The following SH3D19 variants were observed in gnomAD, a reference collection of about 807,000 sequenced individuals.
SH3D19 encodes the protein SH3 domain-containing protein 19.
A neutral mutation model predicts 112.1 loss-of-function variants in SH3D19; 58 were observed. The ratio of observed to expected loss-of-function variants is 0.52; its 90% CI spans 0.42 to 0.64. SH3D19 has a LOEUF of 0.64. Among genes scored for constraint, SH3D19 ranks in the 30% least tolerant of loss-of-function variants. The pLI, the probability that SH3D19 is intolerant of heterozygous loss-of-function variation, is 0.00. For missense variants in SH3D19, 1,090 were observed against 1,263.4 expected, an observed-to-expected ratio of 0.86 and a Z score of 2.08; for synonymous variants, 391 against 448.5, an observed-to-expected ratio of 0.87 and a Z score of 1.62.
chr4:151,323,623 G>A (rs946009515), intron 1 of SH3D19, among the ~76,000 whole-genome samples: 2 of 152,214 alleles, frequency 1.3e-5, no homozygotes, highest in Non-Finnish European at 2.9e-5. Flanking sequence ...TAAATGGTTA[G>A]AAAACTACAA....
intron 19 of SH3D19, among the ~76,000 whole-genome samples, chr4:151,122,968 T>C (rs776491208): frequency 1.3e-5 from 2 of 151,592 alleles, no homozygotes; most frequent in Non-Finnish European, 2.9e-5. Context: ...TCTCCTGCCT[T>C]AGCCTCCCGA....
intron 15 of SH3D19, among the ~76,000 whole-genome samples, chr4:151,134,831 ATGAAG>A (rs1182653049): frequency 6.6e-6 from 1 of 152,220 alleles, no homozygotes; most frequent in Non-Finnish European, 1.5e-5. Context: ...TTATCACCAT[ATGAAG>A]TGTTTTCTTT....
At chr4:151,220,829 C>A (rs1462329685) in intron 2 of SH3D19, among the ~76,000 whole-genome samples, 2 of 152,140 alleles carry the variant, frequency 1.3e-5, no homozygotes, top group African/African-American at 4.8e-5. Flanking sequence ...TTTAACTCAC[C>A]ATTTCATAAA....
intron 1 of SH3D19, among the ~76,000 whole-genome samples, chr4:151,288,630 C>A (rs1752763672): frequency 6.6e-6 from 1 of 151,688 alleles, no homozygotes; most frequent in African/African-American, 2.4e-5. Flanking sequence ...GATCTCGCCA[C>A]TGCACTCCAG....
chr4:151,306,356 T>C (rs1476053535), intron 1 of SH3D19, among the ~76,000 whole-genome samples: 1 of 152,270 alleles, frequency 6.6e-6, no homozygotes, highest in Non-Finnish European at 1.5e-5. Flanking sequence ...ACGTCATTTT[T>C]CTTATTTTAA....
At chr4:151,144,440 C>A (rs1431003835) in intron 11 of SH3D19, 2 of 652,512 alleles carry the variant, frequency 3.1e-6, no homozygotes, top group African/African-American at 3.6e-5. Context: ...ATCAATGGAG[C>A]CTGCCATTTC....
rs926108827 is a variant in SH3D19 at position 151,310,969 on chromosome 4, G to A, written c.112+14272C>T. Among the ~76,000 whole-genome samples the A allele has an allele frequency of 6.0e-5, 9 of 149,888 alleles. No individual in the cohort carries two copies. The East Asian group carries it at 1.2e-3, about 20-fold the overall frequency. ...ACATAAACAACCTAAGTCTGATGAC[G>A]AATGAACGGATAAACAAAATGTGGT... On this transcript the variant is annotated intron_variant, in intron 1 of 19. Coordinates refer to ENST00000604030, the MANE Select transcript of SH3D19 (RefSeq NM_001378122.1).
At chr4:151,271,592 C>T (rs1317755585) in intron 1 of SH3D19, among the ~76,000 whole-genome samples, 1 of 152,050 alleles carries the variant, frequency 6.6e-6, no homozygotes, top group Non-Finnish European at 1.5e-5. Flanking sequence ...CTAGCTACCC[C>T]ACAACAAAGA....
intron 2 of SH3D19, among the ~76,000 whole-genome samples, chr4:151,215,772 A>C (rs1766961674): frequency 6.6e-6 from 1 of 152,220 alleles, no homozygotes; most frequent in African/African-American, 2.4e-5. Context: ...AGATACTTCA[A>C]ACCTTGAAAT....
intron 17 of SH3D19, among the ~76,000 whole-genome samples, chr4:151,131,767 C>T (rs1260310932): frequency 6.6e-6 from 1 of 152,106 alleles, no homozygotes; most frequent in Non-Finnish European, 1.5e-5. Flanking sequence ...GGATTACAGG[C>T]ATGAGCCACC....
intron 19 of SH3D19, among the ~76,000 whole-genome samples, chr4:151,123,702 A>G (rs1401007872): frequency 6.6e-6 from 1 of 152,214 alleles, no homozygotes; most frequent in East Asian, 1.9e-4. Flanking sequence ...TGCAAATTAG[A>G]ATTCCTTCAG....
At chr4:151,277,996 GC>G (rs1347882655) in intron 1 of SH3D19, among the ~76,000 whole-genome samples, 1 of 152,150 alleles carries the variant, frequency 6.6e-6, no homozygotes, top group East Asian at 1.9e-4. Context: ...AGCCGAGATA[GC>G]GCCACTGCAC....
intron 1 of SH3D19, among the ~76,000 whole-genome samples, chr4:151,254,674 A>T (rs1264854039): frequency 1.5e-4 from 23 of 150,734 alleles, no homozygotes; most frequent in Admixed American, 3.3e-4. Context: ...AAGGCAGAAG[A>T]AGTTTTCTTA....
rs149136996 is a variant in SH3D19, at chr4:151,311,270, C to T, written c.112+13971G>A. On this transcript the variant is annotated intron_variant, in intron 1 of 19. Transcript: ENST00000604030. ...AATTAGCTTGGCATGGTGGTGAGCACCTGTAGTCCCAGCTTCTTGAGATGC... is the reference window on the plus strand; with the variant it reads ...AATTAGCTTGGCATGGTGGTGAGCATCTGTAGTCCCAGCTTCTTGAGATGC... Among the ~76,000 whole-genome samples, 754 of 151,330 alleles carry T rather than the reference C, an allele frequency of 5.0e-3. 6 individuals are homozygous for T. Among genetic ancestry groups the T allele is most frequent in the African/African-American group, 0.017 (716 of 41,306 alleles).
At chr4:151,124,912 A>G (rs1748862955) in intron 19 of SH3D19, among the ~76,000 whole-genome samples, 1 of 152,170 alleles carries the variant, frequency 6.6e-6, no homozygotes, top group Non-Finnish European at 1.5e-5. Context: ...GCATTCTGTT[A>G]TTTATACTCA....
chr4:151,205,172 A>G (rs994093104), intron 2 of SH3D19, among the ~76,000 whole-genome samples: 7 of 152,134 alleles, frequency 4.6e-5, no homozygotes, highest in East Asian at 1.9e-4. Context: ...GGAAGAGGTG[A>G]GCATACAAAG....
At chr4:151,190,949 T>TG (rs1456493993) in intron 2 of SH3D19, among the ~76,000 whole-genome samples, 1 of 152,148 alleles carries the variant, frequency 6.6e-6, no homozygotes, top group Non-Finnish European at 1.5e-5. Context: ...AAGCAGCTGG[T>TG]GGGGAGGCTA....
intron 8 of SH3D19, among the ~76,000 whole-genome samples, chr4:151,164,912 A>G (rs1439952877): frequency 6.6e-6 from 1 of 152,182 alleles, no homozygotes; most frequent in Non-Finnish European, 1.5e-5. Flanking sequence ...TATTATTTAA[A>G]GCTTTGGTTA....
intron 1 of SH3D19, among the ~76,000 whole-genome samples, chr4:151,251,198 C>CTTTTT (rs11368412): frequency 7.0e-6 from 1 of 142,568 alleles, no homozygotes. Context: ...TCTTTTTTTC[C>CTTTTT]TTTTTTTTTT....
Sources: allele counts gnomAD v4.1 joint callset (sites outside exome capture counted in the v4.1 genomes callset), GRCh38; gene constraint gnomAD v4.1.1; transcripts MANE v1.5; gene names NCBI Gene and HGNC (gene_info 2026-07-23, HGNC 2026-07-21).